PLEKHA5: variants seen among roughly 807,000 people sequenced by gnomAD.
The protein encoded by PLEKHA5 is pleckstrin homology domain containing A5, also known as pleckstrin homology domain-containing family A member 5.
A neutral mutation model predicts 181.9 loss-of-function variants in PLEKHA5; 55 were observed. The ratio of observed to expected loss-of-function variants is 0.30; its 90% CI spans 0.24 to 0.38. The LOEUF (loss-of-function observed/expected upper bound fraction) is 0.38, where lower values mean the gene tolerates loss of function less well. PLEKHA5 is among the 10% of genes least tolerant of loss of function. The pLI, the probability that PLEKHA5 is intolerant of heterozygous loss-of-function variation, is 1.00. For missense variants in PLEKHA5, 1,432 were observed against 1,549.5 expected, an observed-to-expected ratio of 0.92 and a Z score of 1.27; for synonymous variants, 535 against 529.4, an observed-to-expected ratio of 1.01 and a Z score of -0.15.
chr12:19,169,388 G>GC (rs2045373061), intron 3 of PLEKHA5, among the ~76,000 whole-genome samples: 1 of 152,102 alleles, frequency 6.6e-6, no homozygotes, highest in South Asian at 2.1e-4. Context: ...CCTAGTACTG[G>GC]CAGAGCCTCC....
chr12:19,247,977 G>T (rs1716766370), intron 3 of PLEKHA5, among the ~76,000 whole-genome samples: 2 of 151,488 alleles, frequency 1.3e-5, no homozygotes, highest in African/African-American at 4.9e-5. Context: ...CTGCTGCCCA[G>T]GCTGGAGTGC....
At chr12:19,340,376 G>GC (rs1436488540) in intron 21 of PLEKHA5, among the ~76,000 whole-genome samples, 4 of 142,868 alleles carry the variant, frequency 2.8e-5, no homozygotes, top group African/African-American at 1.0e-4. Flanking sequence ...GGGGAGGTCA[G>GC]CCCCCCGCCC....
intron 15 of PLEKHA5, among the ~76,000 whole-genome samples, chr12:19,296,875 T>G (rs985906043): frequency 6.6e-6 from 1 of 152,206 alleles, no homozygotes; most frequent in African/African-American, 2.4e-5. Flanking sequence ...GGAACGTGTT[T>G]CCCTCCATAT....
chr12:19,368,424 G>T (rs2095491292), intron 30 of PLEKHA5, among the ~76,000 whole-genome samples: 1 of 152,086 alleles, frequency 6.6e-6, no homozygotes, highest in Non-Finnish European at 1.5e-5. Flanking sequence ...AGCCCAGGAG[G>T]TTGAGGCTAC....
rs531380797 is a variant in PLEKHA5, at chr12:19,306,689, G to A, written c.2038-8125G>A. 12 of 1,472,760 alleles carry A rather than the reference G, an allele frequency of 8.1e-6. No individual in the cohort carries two copies. In the East Asian group the frequency reaches 1.2e-4, roughly 14 times the overall value. 91.2% of individuals were successfully genotyped at this position (1,472,760 alleles called of 1,614,324 possible). ...CCGGGCGCTAGCTCTGAGCAGATGC[G>A]GACTCTCTTCGGTTTCCTAGGCAAG... On this transcript the variant is annotated intron_variant, in intron 15 of 31. Coordinates refer to ENST00000429027, the MANE Select transcript of PLEKHA5 (RefSeq NM_001256470.2).
chr12:19,305,626 A>G (rs982653333), intron 15 of PLEKHA5, among the ~76,000 whole-genome samples: 1 of 151,744 alleles, frequency 6.6e-6, no homozygotes, highest in Non-Finnish European at 1.5e-5. Flanking sequence ...TGGGAGGCCA[A>G]GGCGGACGAA....
At chr12:19,229,912 T>A (rs2152369395) in intron 3 of PLEKHA5, among the ~76,000 whole-genome samples, 1 of 152,324 alleles carries the variant, frequency 6.6e-6, no homozygotes, top group South Asian at 2.1e-4. Flanking sequence ...TTGGTGCATT[T>A]ACAAACCTTG....
At chr12:19,296,892 C>T (rs182746615) in intron 15 of PLEKHA5, among the ~76,000 whole-genome samples, 2 of 152,194 alleles carry the variant, frequency 1.3e-5, no homozygotes, top group South Asian at 2.1e-4. Flanking sequence ...ATATTCCTCA[C>T]GTCTATTTTA....
At chr12:19,221,046 T>C (rs2058857410) in intron 3 of PLEKHA5, among the ~76,000 whole-genome samples, 2 of 152,200 alleles carry the variant, frequency 1.3e-5, no homozygotes, top group African/African-American at 2.4e-5. Flanking sequence ...GGAGCTCTTA[T>C]TCATTGTGGT....
At chr12:19,347,774 T>C (rs1424183415) in intron 24 of PLEKHA5, among the ~76,000 whole-genome samples, 3 of 152,162 alleles carry the variant, frequency 2.0e-5, no homozygotes, top group African/African-American at 7.2e-5. Flanking sequence ...TGGGCCTCAC[T>C]TAGACTACCT....
chr12:19,298,496 G>A (rs1309197852), intron 15 of PLEKHA5, among the ~76,000 whole-genome samples: 1 of 142,620 alleles, frequency 7.0e-6, no homozygotes, highest in African/African-American at 2.7e-5. Flanking sequence ...AGCCTCCCGA[G>A]TAGCTGTGAT....
At chr12:19,152,578 G>C (rs1020330997) in intron 3 of PLEKHA5, 3 of 151,964 alleles carry the variant, frequency 2.0e-5, no homozygotes, top group African/African-American at 7.3e-5. Context: ...ACGAACTTGG[G>C]GTCCAATGAT....
intron 3 of PLEKHA5, among the ~76,000 whole-genome samples, chr12:19,156,895 C>A (rs1312178503): frequency 4.6e-5 from 6 of 130,526 alleles, no homozygotes; most frequent in Non-Finnish European, 4.8e-5. Flanking sequence ...CAAAAAATAC[C>A]AAAAAAAAAA....
intron 3 of PLEKHA5, among the ~76,000 whole-genome samples, chr12:19,135,881 GT>G (rs71064059): frequency 1.7e-3 from 218 of 128,960 alleles, no homozygotes; most frequent in East Asian, 2.9e-3. Flanking sequence ...ATCTTACTTT[GT>G]TTTTTTTTTT....
chr12:19,256,027 A>G (rs980840844), intron 5 of PLEKHA5, among the ~76,000 whole-genome samples: 4 of 152,100 alleles, frequency 2.6e-5, no homozygotes, highest in Admixed American at 1.3e-4. Flanking sequence ...TCATATAACA[A>G]TTAAAGAATA....
At chr12:19,312,960 A>G (rs776584286) in intron 15 of PLEKHA5, among the ~76,000 whole-genome samples, 17 of 152,166 alleles carry the variant, frequency 1.1e-4, no homozygotes, top group Non-Finnish European at 2.1e-4. Context: ...GTTAGAAGCC[A>G]TTGTAGGGTT....
intron 3 of PLEKHA5, among the ~76,000 whole-genome samples, chr12:19,142,318 A>G (rs1303696930): frequency 4.6e-5 from 7 of 152,186 alleles, no homozygotes; most frequent in Admixed American, 6.5e-5. Context: ...GAGGTGAGCT[A>G]TGATCATGCC....
chr12:19,295,097 G>A (rs1315797506), intron 15 of PLEKHA5, among the ~76,000 whole-genome samples: 1 of 152,102 alleles, frequency 6.6e-6, no homozygotes, highest in Admixed American at 6.5e-5. Context: ...TTTTAAGATA[G>A]CATAGGCCCA....
chr12:19,129,962 A>C, intron 1 of PLEKHA5, 74 bp downstream of exon 1: 1 of 1,461,406 alleles, frequency 6.8e-7, no homozygotes, highest in Non-Finnish European at 9.4e-7. Context: ...GACACGGGGG[A>C]GAGCCCGGGT....
Sources: gnomAD v4.1 joint callset for allele counts (sites outside exome capture counted in the v4.1 genomes callset) on GRCh38, gnomAD v4.1.1 for gene constraint, MANE v1.5 for transcripts, NCBI Gene and HGNC (gene_info 2026-07-23, HGNC 2026-07-21) for gene names.